ADGRG7: variants seen among roughly 807,000 people sequenced by gnomAD.
ADGRG7 encodes the protein G-protein coupled receptor 128.
In ADGRG7, 82 loss-of-function variants were observed where a neutral mutation model predicts 88.6. The ratio of observed to expected loss-of-function variants is 0.93; its 90% CI spans 0.77 to 1.11. The LOEUF (loss-of-function observed/expected upper bound fraction) is 1.11, where lower values mean the gene tolerates loss of function less well. ADGRG7 is among the 50% of genes most tolerant of loss of function. The pLI, the probability that ADGRG7 is intolerant of heterozygous loss-of-function variation, is 0.00. For missense variants in ADGRG7, 945 were observed against 953.4 expected, an observed-to-expected ratio of 0.99 and a Z score of 0.12; for synonymous variants, 381 against 345.2, an observed-to-expected ratio of 1.10 and a Z score of -1.15.
rs753116208 is a variant in ADGRG7 at position 100,609,933 on chromosome 3, G to T, written c.77G>T (p.Gly26Val). The T allele has an allele frequency of 1.2e-6, 2 of 1,613,842 alleles. No homozygotes were observed. The highest frequency in any genetic ancestry group is 1.7e-5 in the Admixed American group (1 of 60,014). Residue 26 changes from glycine (G) to valine (V), a missense_variant, in exon 1 of 16, where the codon GGA becomes GTA. Gly to Val is a moderately radical substitution (Grantham distance 109, BLOSUM62 -3). Transcript: ENST00000273352. ...VCGLLTGIIL[G>V]LGIWRIVIRI... The stretch of plus-strand genomic sequence containing the variant: ...GGACTACTGACTGGCATCATTTTGG[G>T]ACTGGGCATCTGGAGGATTGTGATC...
intron 2 of ADGRG7, among the ~76,000 whole-genome samples, chr3:100,630,214 G>A (rs573693836): frequency 7.2e-5 from 11 of 151,988 alleles, no homozygotes; most frequent in Middle Eastern, 3.2e-3. Context: ...AAAGTTCAAG[G>A]CCATTTTTAA....
chr3:100,681,020 C>T, intron 15 of ADGRG7, among the ~76,000 whole-genome samples: 1 of 152,146 alleles, frequency 6.6e-6, no homozygotes, highest in East Asian at 1.9e-4. Flanking sequence ...AACCATAAAC[C>T]TTTAAAAAAT....
chr3:100,692,494 A>G (rs532772246), intron 15 of ADGRG7, among the ~76,000 whole-genome samples: 2 of 152,308 alleles, frequency 1.3e-5, no homozygotes, highest in South Asian at 4.1e-4. Flanking sequence ...GGGGGAAATT[A>G]TAAAAGAGAG....
At chr3:100,649,842 A>G (rs2094926597) in intron 11 of ADGRG7, 35 bp downstream of exon 11, 9 of 1,242,824 alleles carry the variant, frequency 7.2e-6, no homozygotes, top group Admixed American at 1.8e-5. Flanking sequence ...CAGAAGAGAA[A>G]TTGCTATCTT....
Position 100,695,153 on chromosome 3 carries a change from C to T in ADGRG7, c.*152C>T, listed in dbSNP as rs1242956517. On this transcript the variant is annotated 3_prime_UTR_variant, in exon 16 of 16. Coordinates refer to ENST00000273352, the MANE Select transcript of ADGRG7 (RefSeq NM_032787.3). ...ATAAAACCTGTTGTTTATTATTATT[C>T]GGCATAATGGACTTGGTAGTTTTTC... 4.6e-5 allele frequency: 34 copies of T among 744,220 alleles called. 1 individual carries two copies. The highest frequency in any genetic ancestry group is 2.4e-4 in the South Asian group (12 of 50,162). 46.1% of individuals were successfully genotyped at this position (744,220 alleles called of 1,614,324 possible). A position where few individuals can be genotyped will look rare whatever the true frequency, so the allele number is the denominator to read the frequency against.
At chr3:100,688,530 C>A (rs535465407) in intron 15 of ADGRG7, among the ~76,000 whole-genome samples, 3 of 152,176 alleles carry the variant, frequency 2.0e-5, no homozygotes, top group Non-Finnish European at 4.4e-5. Context: ...CTAAATTTCC[C>A]TCTACACACT....
rs1145336 is a variant in ADGRG7, at chr3:100,669,305, G to T, written c.2136+200G>T. Among the ~76,000 whole-genome samples the T allele has an allele frequency of 0.91, 138,233 of 151,692 alleles. 63,975 individuals are homozygous for T. The highest frequency in any genetic ancestry group is 1 in the Non-Finnish European group (67,694 of 67,942). ...ATTGAGACCATCCTGGATAACATGG[G>T]GAAACCCCATCTCTACTAAAAAAAA... On this transcript the variant is annotated intron_variant, in intron 15 of 15. Transcript: ENST00000273352.
At chr3:100,616,099 C>T (rs1707221546) in intron 1 of ADGRG7, among the ~76,000 whole-genome samples, 1 of 152,100 alleles carries the variant, frequency 6.6e-6, no homozygotes, top group South Asian at 2.1e-4. Flanking sequence ...AAAAATAATC[C>T]TAATACTAGT....
chr3:100,656,646 T>A (rs1229160183), intron 13 of ADGRG7, among the ~76,000 whole-genome samples: 1 of 152,212 alleles, frequency 6.6e-6, no homozygotes, highest in African/African-American at 2.4e-5. Flanking sequence ...AAATGGCAAC[T>A]ACTCTTCAAT....
intron 1 of ADGRG7, among the ~76,000 whole-genome samples, chr3:100,627,916 A>G (rs1200598540): frequency 1.3e-5 from 2 of 152,054 alleles, no homozygotes; most frequent in South Asian, 2.1e-4. Context: ...AATTGCTTAT[A>G]TGTTAGACAA....
At position 100,609,677 on chromosome 3, in the gene ADGRG7, A is replaced by G. The variant is rs1559666183; in HGVS notation, c.-180A>G. ...ATGCACCTTTTATTAGGAGATTCAA[A>G]CTGCATCCTACTGGATTAGCCTCAA... On this transcript the variant is annotated 5_prime_UTR_variant, in exon 1 of 16. Transcript: ENST00000273352. 1 of 516,546 alleles carries G rather than the reference A, an allele frequency of 1.9e-6. No individual in the cohort carries two copies. The highest frequency in any genetic ancestry group is 3.6e-6 in the Non-Finnish European group (1 of 279,166). 32.0% of individuals were successfully genotyped at this position (516,546 alleles called of 1,614,324 possible).
intron 3 of ADGRG7, among the ~76,000 whole-genome samples, chr3:100,631,901 C>T (rs1144125): frequency 0.31 from 47,204 of 151,748 alleles, 7,746 homozygotes; most frequent in Non-Finnish European, 0.34. Context: ...ATCTGAAATG[C>T]CATATCAGTC....
intron 14 of ADGRG7, among the ~76,000 whole-genome samples, chr3:100,667,911 C>T (rs1037643330): frequency 1.5e-4 from 23 of 152,132 alleles, no homozygotes; most frequent in African/African-American, 2.9e-4. Flanking sequence ...AAACCCAGGG[C>T]GCTGGTGAGG....
Position 100,643,406 on chromosome 3 carries a change from G to A in ADGRG7, c.838+1G>A. ...AATGTTCGCTTCTCTGTGCAGAAAG[G>A]TGAGCTGTTAATCTTATGTGCTTGT... is the stretch of plus-strand genomic sequence containing the variant. On this transcript the variant is annotated splice_donor_variant, in intron 7 of 15. Transcript: ENST00000273352. LOFTEE classifies it high-confidence loss of function. The A allele has an allele frequency of 6.2e-7, 1 of 1,613,810 alleles. No individual in the cohort carries two copies. The highest frequency in any genetic ancestry group is 1.1e-5 in the South Asian group (1 of 91,006).
intron 15 of ADGRG7, among the ~76,000 whole-genome samples, chr3:100,680,923 C>G (rs528556624): frequency 6.6e-6 from 1 of 152,256 alleles, no homozygotes; most frequent in East Asian, 1.9e-4. Flanking sequence ...TTCTGAAAAT[C>G]TGAACTTCAT....
chr3:100,685,181 T>C (rs2094980024), intron 15 of ADGRG7, among the ~76,000 whole-genome samples: 1 of 152,148 alleles, frequency 6.6e-6, no homozygotes, highest in Non-Finnish European at 1.5e-5. Flanking sequence ...TTGGTAAACA[T>C]TAATGAGGAC....
At chr3:100,679,044 G>A (rs189845561) in intron 15 of ADGRG7, among the ~76,000 whole-genome samples, 164 of 152,270 alleles carry the variant, frequency 1.1e-3, no homozygotes, top group Non-Finnish European at 9.4e-4. Context: ...TCCTTTCAGG[G>A]CAATGAGATC....
chr3:100,667,908 G>C (rs905545748), intron 14 of ADGRG7, among the ~76,000 whole-genome samples: 3 of 152,202 alleles, frequency 2.0e-5, no homozygotes, highest in African/African-American at 7.2e-5. Flanking sequence ...TTGAAACCCA[G>C]GGCGCTGGTG....
intron 1 of ADGRG7, among the ~76,000 whole-genome samples, chr3:100,616,049 C>G (rs913142995): frequency 1.1e-4 from 17 of 152,122 alleles, no homozygotes; most frequent in African/African-American, 3.6e-4. Context: ...CCAGGCTTTA[C>G]AATCTAAATC....
Sources: allele counts gnomAD v4.1 joint callset (sites outside exome capture counted in the v4.1 genomes callset), GRCh38; gene constraint gnomAD v4.1.1; transcripts MANE v1.5; gene names NCBI Gene and HGNC (gene_info 2026-07-23, HGNC 2026-07-21).